Variants in CNTNAP5 observed in about 807,000 individuals in gnomAD.
CNTNAP5 encodes the protein contactin associated protein family member 5.
Under a neutral mutation model 150.2 loss-of-function variants are expected in CNTNAP5, and 72 were observed. That is an observed-to-expected ratio of 0.48 (90% confidence interval 0.40 to 0.58). CNTNAP5 has a LOEUF of 0.58. Among genes scored for constraint, CNTNAP5 ranks in the 20% least tolerant of loss-of-function variants. CNTNAP5 has a pLI of 0.00. For synonymous variants in CNTNAP5, 672 were observed against 619.8 expected, an observed-to-expected ratio of 1.08 and a Z score of -1.25; for missense variants, 1,636 against 1,626.2, an observed-to-expected ratio of 1.01 and a Z score of -0.10.
At chr2:124,696,518 T>G (rs1295851361) in intron 13 of CNTNAP5, among the ~76,000 whole-genome samples, 1 of 152,182 alleles carries the variant, frequency 6.6e-6, no homozygotes, top group Non-Finnish European at 1.5e-5. Flanking sequence ...TAGTCAGCCC[T>G]GCCTTCTCTC....
At chr2:124,756,526 A>G (rs62171339) in intron 14 of CNTNAP5, among the ~76,000 whole-genome samples, 8,911 of 152,332 alleles carry the variant, frequency 0.058, 376 homozygotes, top group Middle Eastern at 0.14. Context: ...GTGCCCATCA[A>G]TGATAGACTG....
intron 2 of CNTNAP5, among the ~76,000 whole-genome samples, chr2:124,240,820 CTCTG>C (rs560024118): frequency 7.2e-5 from 11 of 152,284 alleles, no homozygotes; most frequent in Admixed American, 2.6e-4. Context: ...CCCTCTATCA[CTCTG>C]TCTGCATTGC....
At chr2:124,376,241 T>C (rs1690646356) in intron 3 of CNTNAP5, among the ~76,000 whole-genome samples, 1 of 152,100 alleles carries the variant, frequency 6.6e-6, no homozygotes, top group African/African-American at 2.4e-5. Flanking sequence ...ACAGCTGCCA[T>C]TTATTTAACA....
At chr2:124,362,316 G>A (rs562175069) in intron 3 of CNTNAP5, among the ~76,000 whole-genome samples, 3 of 152,146 alleles carry the variant, frequency 2.0e-5, no homozygotes, top group Admixed American at 1.3e-4. Context: ...ATTCCTATTC[G>A]ACCATCTTGG....
At chr2:124,035,401 C>CTTTT (rs113238439) in intron 1 of CNTNAP5, among the ~76,000 whole-genome samples, 1 of 151,746 alleles carries the variant, frequency 6.6e-6, no homozygotes, top group East Asian at 1.9e-4. Flanking sequence ...CTACTCCTTT[C>CTTTT]CTTTCTATCT....
At chr2:124,642,500 G>A (rs1678114175) in intron 12 of CNTNAP5, among the ~76,000 whole-genome samples, 1 of 152,280 alleles carries the variant, frequency 6.6e-6, no homozygotes, top group African/African-American at 2.4e-5. Flanking sequence ...TTAGGTTCTG[G>A]TAGCCTGAGG....
chr2:124,754,959 A>G (rs1345469508), intron 14 of CNTNAP5, among the ~76,000 whole-genome samples: 1 of 152,190 alleles, frequency 6.6e-6, no homozygotes, highest in Admixed American at 6.5e-5. Context: ...ATAGAAAAAA[A>G]GAACTTGTAA....
At chr2:124,056,262 C>A (rs1395992411) in intron 1 of CNTNAP5, among the ~76,000 whole-genome samples, 1 of 152,180 alleles carries the variant, frequency 6.6e-6, no homozygotes, top group Non-Finnish European at 1.5e-5. Context: ...AATTGACCAT[C>A]TCCTCTCACT....
At chr2:124,780,805 G>T (rs532591658) in intron 17 of CNTNAP5, among the ~76,000 whole-genome samples, 1 of 152,316 alleles carries the variant, frequency 6.6e-6, no homozygotes, top group South Asian at 2.1e-4. Context: ...TAACACATTT[G>T]CAATGCCTTC....
intron 21 of CNTNAP5, among the ~76,000 whole-genome samples, chr2:124,896,649 C>T (rs886309124): frequency 2.6e-5 from 4 of 151,398 alleles, no homozygotes; most frequent in Non-Finnish European, 4.4e-5. Context: ...AGTGATTCTC[C>T]TCCCTCAGCC....
At chr2:124,222,850 T>C (rs1686359226) in intron 2 of CNTNAP5, among the ~76,000 whole-genome samples, 1 of 152,104 alleles carries the variant, frequency 6.6e-6, no homozygotes, top group Non-Finnish European at 1.5e-5. Flanking sequence ...CCTGTTTGTC[T>C]TGTACTTCAT....
At chr2:124,384,979 C>T (rs1189851919) in intron 3 of CNTNAP5, among the ~76,000 whole-genome samples, 1 of 152,326 alleles carries the variant, frequency 6.6e-6, no homozygotes, top group South Asian at 2.1e-4. Context: ...AAAGGTGAGA[C>T]AGGAGCCTCA....
intron 19 of CNTNAP5, among the ~76,000 whole-genome samples, chr2:124,823,006 C>T (rs936414289): frequency 2.0e-5 from 3 of 152,138 alleles, no homozygotes; most frequent in African/African-American, 7.2e-5. Flanking sequence ...TTCTTGTCTT[C>T]AACGAGCTCA....
At chr2:124,287,183 A>G (rs1250223561) in intron 3 of CNTNAP5, among the ~76,000 whole-genome samples, 1 of 152,184 alleles carries the variant, frequency 6.6e-6, no homozygotes, top group African/African-American at 2.4e-5. Flanking sequence ...GCACTGCGGT[A>G]AACATTTTAG....
chr2:124,611,675 GC>G (rs1677388058), intron 12 of CNTNAP5, among the ~76,000 whole-genome samples: 1 of 152,162 alleles, frequency 6.6e-6, no homozygotes, highest in Admixed American at 6.5e-5. Context: ...CTTTTACTGA[GC>G]TTTTCAAGTG....
intron 13 of CNTNAP5, among the ~76,000 whole-genome samples, chr2:124,727,851 G>T (rs1055419803): frequency 6.6e-6 from 1 of 151,632 alleles, no homozygotes; most frequent in Non-Finnish European, 1.5e-5. Flanking sequence ...ATGTTGAATA[G>T]AAGTGGTCAG....
At chr2:124,459,802 G>T (rs1205092836) in intron 6 of CNTNAP5, among the ~76,000 whole-genome samples, 1 of 151,638 alleles carries the variant, frequency 6.6e-6, no homozygotes, top group Non-Finnish European at 1.5e-5. Context: ...CTTAGCAATG[G>T]GAATAATACA....
At chr2:124,713,239 C>CTT (rs761730028) in intron 13 of CNTNAP5, among the ~76,000 whole-genome samples, 18,663 of 57,134 alleles carry the variant, frequency 0.33, 4,377 homozygotes, top group East Asian at 0.42. Context: ...TTCTTTCTTT[C>CTT]TTTCTCTTTC....
chr2:124,167,957 G>A (rs1684844786), intron 1 of CNTNAP5, among the ~76,000 whole-genome samples: 2 of 152,130 alleles, frequency 1.3e-5, no homozygotes, highest in South Asian at 4.2e-4. Context: ...GAGCCAGGAA[G>A]GAGGCACGTT....
Sources: gnomAD v4.1 joint callset for allele counts (sites outside exome capture counted in the v4.1 genomes callset) on GRCh38, gnomAD v4.1.1 for gene constraint, MANE v1.5 for transcripts, NCBI Gene and HGNC (gene_info 2026-07-23, HGNC 2026-07-21) for gene names.